Variants in CDC42BPG observed in about 807,000 individuals in gnomAD.
The protein encoded by CDC42BPG is serine/threonine-protein kinase MRCK gamma.
A neutral mutation model predicts 192.2 loss-of-function variants in CDC42BPG; 157 were observed. The ratio of observed to expected loss-of-function variants is 0.82; its 90% CI spans 0.72 to 0.93. The LOEUF (loss-of-function observed/expected upper bound fraction) is 0.93, where lower values mean the gene tolerates loss of function less well. Ranked by LOEUF, CDC42BPG falls within the 40% of genes least tolerant of loss-of-function variation. The pLI is 0.00. For missense variants in CDC42BPG, 1,992 were observed against 2,122.1 expected (o/e 0.94, Z 1.20); for synonymous variants, 981 against 918.5 (o/e 1.07, Z -1.23).
chr11:64,835,635 A>G lies in CDC42BPG; in HGVS notation c.1759-14T>C, dbSNP rs964964417. On this transcript the variant is annotated splice_polypyrimidine_tract_variant and intron_variant, in intron 14 of 36. Transcript: ENST00000342711. The stretch of plus-strand genomic sequence containing the variant: ...TGTGTGGATGGTCTTGGGGACATGG[A>G]GGGGGTCAGGGCAGAGACCCAAGAT... 2.4e-5 allele frequency: 37 copies of G among 1,568,710 alleles called. No homozygotes were observed. The highest frequency in any genetic ancestry group is 3.0e-5 in the Non-Finnish European group (35 of 1,157,136).
chr11:64,832,611 C>G lies in CDC42BPG; in HGVS notation c.2998G>C (p.Asp1000His). 2 of 1,613,944 alleles carry G rather than the reference C, an allele frequency of 1.2e-6. No individual in the cohort carries two copies. Among genetic ancestry groups the G allele is most frequent in the Non-Finnish European group, 8.5e-7 (1 of 1,180,020 alleles). ...CCACTGCCCGGCACCTACCTCAGAT[C>G]TAGGACCTGCAGGAGGGCCCCACTG... Reference protein sequence around the residue: ...PPSGALLQVLDLRDPQFSATP... With the variant: ...PPSGALLQVLHLRDPQFSATP... The change falls in exon 26 of 37, where the codon GAT (aspartate) becomes CAT (histidine). Residue 1000 changes from aspartate (D) to histidine (H), a missense_variant. This residue lies in a region of CDC42BPG where 1,656 missense variants were observed against 1,844.3 expected (regional missense o/e 0.90). Coordinates refer to ENST00000342711, the MANE Select transcript of CDC42BPG (RefSeq NM_017525.3).
At chr11:64,827,923 TCCA>T in intron 30 of CDC42BPG, 140 bp from the exon 31 acceptor site, 1 of 655,946 alleles carries the variant, frequency 1.5e-6, no homozygotes, top group Admixed American at 3.0e-5. Flanking sequence ...CGGCCCAGCC[TCCA>T]CATCAAATCA....
Position 64,833,225 on chromosome 11 carries a change from T to A in CDC42BPG, c.2731+6A>T, listed in dbSNP as rs772031985. 1 of 1,541,376 alleles carries A rather than the reference T, an allele frequency of 6.5e-7. No homozygotes were observed. The highest frequency in any genetic ancestry group is 8.8e-7 in the Non-Finnish European group (1 of 1,139,342). On this transcript the variant is annotated splice_donor_region_variant and intron_variant, in intron 24 of 36. Transcript: ENST00000342711. ...TGGCTGGAGCATAGTGGGTGGGGAC[T>A]CTCACCATCACAACCCAGGCCCTGG...
At position 64,839,196 on chromosome 11, in the gene CDC42BPG, A is replaced by T. The variant is rs750637301; in HGVS notation, c.713T>A (p.Ile238Asn). 3 of 1,613,032 alleles carry T rather than the reference A, an allele frequency of 1.9e-6. No homozygotes were observed. The African/African-American group carries it at 4.0e-5, about 22-fold the overall frequency. ...CATGGCCTGCAGGATCTCAGGGGAG[A>T]TATAGTCCGGCGTCCCTACTGCCAC... ...SSVAVGTPDY[I>N]SPEILQAMEE... The change falls in exon 7 of 37, where the codon ATC becomes AAC. Residue 238 changes from isoleucine (I) to asparagine (N), a missense_variant. Physicochemically the swap from Ile to Asn is moderately radical, Grantham distance 149. Coordinates refer to ENST00000342711, the MANE Select transcript of CDC42BPG (RefSeq NM_017525.3).
chr11:64,844,478 G>C lies in CDC42BPG; in HGVS notation c.92C>G (p.Ala31Gly), dbSNP rs1467091249. ...GLDGLLDLLL[A>G]LHHELSSGPL... The stretch of plus-strand genomic sequence containing the variant: ...GCCGCTGCTGAGCTCGTGGTGCAGC[G>C]CCAGCAGCAGATCTAGGAGGCCGTC... Residue 31 changes from alanine to glycine, a missense_variant, in exon 1 of 37, where the codon GCG becomes GGG. Around this residue, in one of 2 missense-constraint regions of CDC42BPG, gnomAD observed 1,656 missense variants for 1,844.3 expected, o/e 0.90. Coordinates refer to ENST00000342711, the MANE Select transcript of CDC42BPG (RefSeq NM_017525.3). 7 of 1,444,356 alleles carry C rather than the reference G, an allele frequency of 4.8e-6. No homozygotes were observed. Among genetic ancestry groups the C allele is most frequent in the South Asian group, 1.4e-5 (1 of 72,680 alleles). 89.5% of individuals were successfully genotyped at this position (1,444,356 alleles called of 1,614,324 possible). A position where few individuals can be genotyped will look rare whatever the true frequency, so the allele number is the denominator to read the frequency against.
At chr11:64,835,232 C>A (rs1226684500) in intron 16 of CDC42BPG, 79 bp from the exon 17 acceptor site, 9 of 1,602,758 alleles carry the variant, frequency 5.6e-6, no homozygotes, top group African/African-American at 2.7e-5. Context: ...TACCCCAGCA[C>A]CCCGAGCCCC....
At chr11:64,838,436 G>C (rs941175936) in intron 8 of CDC42BPG, among the ~76,000 whole-genome samples, 2 of 152,194 alleles carry the variant, frequency 1.3e-5, no homozygotes, top group Admixed American at 6.5e-5. Context: ...GCAAGCATGG[G>C]GAGCCTGTGG....
At position 64,827,683 on chromosome 11, in the gene CDC42BPG, C is replaced by T. The variant is rs376384308; in HGVS notation, c.4065+3G>A. On this transcript the variant is annotated splice_donor_region_variant and intron_variant, in intron 31 of 36. Coordinates refer to ENST00000342711, the MANE Select transcript of CDC42BPG (RefSeq NM_017525.3). The stretch of plus-strand genomic sequence containing the variant: ...CTACCCCAGGGCTCTGGCGGACCCT[C>T]ACCTTCTTGAGCGGCACGGTCTGCA... 1 of 1,609,918 alleles carries T rather than the reference C, an allele frequency of 6.2e-7. No homozygotes were observed. The highest frequency in any genetic ancestry group is 8.5e-7 in the Non-Finnish European group (1 of 1,177,290).
At chr11:64,834,719 G>A (rs552229135) in intron 18 of CDC42BPG, 130 bp downstream of exon 18, 2 of 1,331,216 alleles carry the variant, frequency 1.5e-6, no homozygotes, top group Non-Finnish European at 1.0e-6. Flanking sequence ...TGTGAGCTCA[G>A]GGAAATCACT....
rs747581538 is a variant in CDC42BPG, at chr11:64,836,134, G to A, written c.1651C>T (p.Arg551Trp). ...TCACTCACCTCCCTCTGGGCAGCCC[G>A]GGCTTCCTCCAGCTGGGAGCTCAGG... ...RALSSQLEEA[R>W]AAQRELEAQV... Residue 551 changes from arginine to tryptophan, a missense_variant, in exon 13 of 37, where the codon CGG becomes TGG. Around this residue, in one of 2 missense-constraint regions of CDC42BPG, gnomAD observed 1,656 missense variants for 1,844.3 expected, o/e 0.90. Transcript: ENST00000342711. 8 of 1,599,904 alleles carry A rather than the reference G, an allele frequency of 5.0e-6. No individual in the cohort carries two copies. The East Asian group carries it at 9.1e-5, about 18-fold the overall frequency.
rs929246542 is a variant in CDC42BPG at position 64,831,254 on chromosome 11, T to C, written c.3304+251A>G. 2.0e-5 allele frequency among the ~76,000 whole-genome samples: 3 copies of C among 150,260 alleles called. No homozygotes were observed. The East Asian group carries it at 5.8e-4, about 29-fold the overall frequency. ...AAGAAAAAAAAAAAGCCTTTGTTCC[T>C]TCCACTTGCTTGAGATTCTTTTGGA... On this transcript the variant is annotated intron_variant, in intron 28 of 36. Transcript: ENST00000342711.
intron 11 of CDC42BPG, 95 bp from the exon 12 acceptor site, chr11:64,836,625 C>CAG: frequency 7.7e-7 from 1 of 1,295,890 alleles, no homozygotes; most frequent in African/African-American, 1.6e-5. Flanking sequence ...CACGCGGGCT[C>CAG]AGAGAGTATA....
intron 28 of CDC42BPG, 43 bp downstream of exon 28, chr11:64,831,462 C>G (rs115839347): frequency 1.3e-6 from 2 of 1,545,568 alleles, no homozygotes; most frequent in African/African-American, 2.7e-5. Flanking sequence ...CCAGCACTCC[C>G]GCAGGCCTGA....
chr11:64,831,554 G>T lies in CDC42BPG; in HGVS notation c.3255C>A (p.Tyr1085Ter), dbSNP rs1387091669. 6.2e-7 allele frequency: 1 copy of T among 1,612,086 alleles called. No homozygotes were observed. The highest frequency in any genetic ancestry group is 1.3e-5 in the African/African-American group (1 of 74,924). The change falls in exon 28 of 37, where the codon TAC (tyrosine) becomes TAA (stop). Residue 1085 changes from tyrosine to a stop codon, truncating the protein, a stop_gained. Transcript: ENST00000342711. LOFTEE classifies it high-confidence loss of function. ...GAGGCAGCAGCGGCAGCCCGTTGTC[G>T]TAAGCCTCCTTGAGTGTGTACACGG... ...PRPVYTLKEA[Y>*]DNGLPLLPHT...
Position 64,836,498 on chromosome 11 carries a change from T to C in CDC42BPG, c.1417A>G (p.Thr473Ala), listed in dbSNP as rs1224829557. 1.2e-6 allele frequency: 2 copies of C among 1,613,188 alleles called. No individual in the cohort carries two copies. Among genetic ancestry groups the C allele is most frequent in the Admixed American group, 3.3e-5 (2 of 59,988 alleles). Residue 473 changes from threonine (T) to alanine (A), a missense_variant, in exon 12 of 37, where the codon ACG becomes GCG. By Grantham distance (58) the Thr-to-Ala change is moderately conservative. Transcript: ENST00000342711. The stretch of plus-strand genomic sequence containing the variant: ...GGGCTACCAGCTGGGGGCCCATCCG[T>C]CTGGGACAATGAGGCCTTGTCCCTC... Reference protein sequence around the residue: ...MLRDKASLSQTDGPPAGSPGQ... With the variant: ...MLRDKASLSQADGPPAGSPGQ...
rs1942306981 is a variant in CDC42BPG, at chr11:64,823,084, CT to C, written c.*1388del. Among the ~76,000 whole-genome samples, 4 of 120,906 alleles carry C rather than the reference CT, an allele frequency of 3.3e-5. No individual in the cohort carries two copies. Among genetic ancestry groups the C allele is most frequent in the Admixed American group, 3.2e-4 (4 of 12,518 alleles). 79.3% of individuals were successfully genotyped at this position (120,906 alleles called of 152,430 possible). ...AAGCTGTCTTTATTGGTTTCCTTTT[CT>C]TTTCTTTTTTTTTTTTTTTGAGACG... On this transcript the variant is annotated 3_prime_UTR_variant, in exon 37 of 37. Coordinates refer to ENST00000342711, the MANE Select transcript of CDC42BPG (RefSeq NM_017525.3).
chr11:64,840,838 C>CA (rs2136401355), intron 3 of CDC42BPG, among the ~76,000 whole-genome samples, 190 bp from the exon 4 acceptor site: 1 of 151,132 alleles, frequency 6.6e-6, no homozygotes, highest in East Asian at 2.0e-4. Flanking sequence ...TCAGTGTGAC[C>CA]ATATGGAAAA....
Position 64,824,332 on chromosome 11 carries a change from T to A in CDC42BPG, c.*141A>T. On this transcript the variant is annotated 3_prime_UTR_variant, in exon 37 of 37. Coordinates refer to ENST00000342711, the MANE Select transcript of CDC42BPG (RefSeq NM_017525.3). ...CCCAAGTCCTGGGAACCCAGGCAAG[T>A]CTCCCAGTCATTGCCCAGCCCGGGT... The A allele has an allele frequency of 2.7e-6, 2 of 751,380 alleles. No individual in the cohort carries two copies. The highest frequency in any genetic ancestry group is 2.9e-5 in the South Asian group (2 of 70,014). 46.5% of individuals were successfully genotyped at this position (751,380 alleles called of 1,614,324 possible).
intron 25 of CDC42BPG, 34 bp downstream of exon 25, chr11:64,832,792 A>G: frequency 6.3e-7 from 1 of 1,592,406 alleles, no homozygotes; most frequent in South Asian, 1.1e-5. Context: ...TCAGCCCCCC[A>G]TGCCCATCTT....
Sources: gnomAD v4.1 joint callset for allele counts (sites outside exome capture counted in the v4.1 genomes callset) on GRCh38, gnomAD v4.1.1 for gene constraint, gnomAD v4.1.1 regional missense constraint, MANE v1.5 for transcripts, NCBI Gene and HGNC (gene_info 2026-07-23, HGNC 2026-07-21) for gene names.